Variants in ERICH6B observed in about 807,000 individuals in gnomAD.
ERICH6B encodes the protein glutamate rich 6B.
Under a neutral mutation model 80.0 loss-of-function variants are expected in ERICH6B, and 69 were observed. The ratio of observed to expected loss-of-function variants is 0.86; its 90% CI spans 0.71 to 1.05. The LOEUF is 1.05. Among genes scored for constraint, ERICH6B ranks in the 50% least tolerant of loss-of-function variants. ERICH6B has a pLI of 0.00. For missense variants in ERICH6B, 754 were observed against 796.1 expected, an observed-to-expected ratio of 0.95 and a Z score of 0.64; for synonymous variants, 283 against 291.9, an observed-to-expected ratio of 0.97 and a Z score of 0.31.
intron 8 of ERICH6B, among the ~76,000 whole-genome samples, chr13:45,571,662 A>G (rs1875174178): frequency 6.6e-6 from 1 of 152,236 alleles, no homozygotes; most frequent in Admixed American, 6.5e-5. Flanking sequence ...CTTAGACTGC[A>G]ATGAAGTCTG....
At chr13:45,573,938 AT>A (rs932628809) in intron 8 of ERICH6B, among the ~76,000 whole-genome samples, 3 of 151,926 alleles carry the variant, frequency 2.0e-5, no homozygotes, top group African/African-American at 7.3e-5. Flanking sequence ...AATTTATGTC[AT>A]TTTTTTTCCT....
At chr13:45,574,622 T>C (rs1394510464) in intron 8 of ERICH6B, among the ~76,000 whole-genome samples, 2 of 152,180 alleles carry the variant, frequency 1.3e-5, no homozygotes, top group Non-Finnish European at 2.9e-5. Flanking sequence ...TTGCCCCATC[T>C]ACATAGAGGG....
chr13:45,593,232 G>C (rs577596845), intron 3 of ERICH6B, among the ~76,000 whole-genome samples: 64 of 152,210 alleles, frequency 4.2e-4, no homozygotes, highest in African/African-American at 9.9e-4. Flanking sequence ...ATTTGTCCAG[G>C]GCTATGGGAA....
intron 11 of ERICH6B, among the ~76,000 whole-genome samples, chr13:45,560,908 T>A (rs188248479): frequency 3.3e-5 from 5 of 152,332 alleles, no homozygotes; most frequent in African/African-American, 1.2e-4. Flanking sequence ...GGGATGGATC[T>A]ATATATATCT....
intron 1 of ERICH6B, among the ~76,000 whole-genome samples, chr13:45,609,587 C>T (rs1165529615): frequency 1.3e-5 from 2 of 152,160 alleles, no homozygotes; most frequent in Admixed American, 1.3e-4. Context: ...GTATTCCCAC[C>T]AGCTAGAATA....
chr13:45,550,370 T>C, intron 11 of ERICH6B, 54 bp from the exon 12 acceptor site: 7 of 1,433,444 alleles, frequency 4.9e-6, no homozygotes, highest in Non-Finnish European at 6.7e-6. Flanking sequence ...GGGTACCAAC[T>C]GTCCTACTGC....
In ERICH6B at chr13:45,579,984, A is replaced by G. The variant is rs990603715; in HGVS notation, c.920-10T>C. ...TTAGTGTTAACATGCTCTAAAAAAG[A>G]ATAAGAAAAATTATTAACAGGATAC... is the stretch of plus-strand genomic sequence containing the variant. On this transcript the variant is annotated splice_polypyrimidine_tract_variant and intron_variant, in intron 6 of 14. Coordinates refer to ENST00000298738, the MANE Select transcript of ERICH6B (RefSeq NM_182542.3). 1 of 1,539,784 alleles carries G rather than the reference A, an allele frequency of 6.5e-7. No homozygotes were observed. Among genetic ancestry groups the G allele is most frequent in the Non-Finnish European group, 8.8e-7 (1 of 1,139,992 alleles).
chr13:45,599,210 C>T (rs941544230), intron 2 of ERICH6B, among the ~76,000 whole-genome samples: 6 of 152,132 alleles, frequency 3.9e-5, no homozygotes, highest in African/African-American at 1.4e-4. Flanking sequence ...TCACTGGTAG[C>T]CTGATCACTT....
intron 13 of ERICH6B, among the ~76,000 whole-genome samples, chr13:45,547,396 G>C (rs561394242): frequency 1.3e-5 from 2 of 152,206 alleles, no homozygotes; most frequent in Non-Finnish European, 2.9e-5. Flanking sequence ...GTGGTCTGGA[G>C]GAAAAGAATA....
Position 45,549,977 on chromosome 13 carries a change from A to G in ERICH6B, c.1562T>C (p.Leu521Pro). The change falls in exon 13 of 15, where the codon CTG (leucine) becomes CCG (proline). Residue 521 changes from leucine (L) to proline (P), a missense_variant. Leu to Pro is a moderately conservative substitution (Grantham distance 98). Transcript: ENST00000298738. ...AKMKKFTYII[L>P]EDSLEGRIRA... ...GATCCTCCCTTCTAGACTGTCTTCC[A>G]GAATGATGTATGTGAACTTTTTCAT... 1 of 1,551,856 alleles carries G rather than the reference A, an allele frequency of 6.4e-7. No homozygotes were observed. The highest frequency in any genetic ancestry group is 8.7e-7 in the Non-Finnish European group (1 of 1,147,042).
intron 3 of ERICH6B, among the ~76,000 whole-genome samples, chr13:45,595,673 C>T (rs978595340): frequency 2.0e-5 from 3 of 147,596 alleles, no homozygotes; most frequent in South Asian, 2.1e-4. Flanking sequence ...TTTCCTTCTT[C>T]TCTCTCTTTT....
intron 2 of ERICH6B, among the ~76,000 whole-genome samples, chr13:45,607,073 G>T (rs1422399056): frequency 6.6e-6 from 1 of 152,136 alleles, no homozygotes; most frequent in Non-Finnish European, 1.5e-5. Flanking sequence ...GGGGAAGCAC[G>T]CTGTGGTGAG....
At chr13:45,543,710 G>A (rs1392972697) in intron 14 of ERICH6B, among the ~76,000 whole-genome samples, 16 of 152,166 alleles carry the variant, frequency 1.1e-4, no homozygotes. Flanking sequence ...GTTGTTTCAG[G>A]ACTCCTAGTT....
chr13:45,556,994 G>T (rs530467908), intron 11 of ERICH6B, among the ~76,000 whole-genome samples: 1 of 152,218 alleles, frequency 6.6e-6, no homozygotes, highest in East Asian at 1.9e-4. Context: ...TCTACTTTTA[G>T]TTCTTTAAGG....
chr13:45,572,682 C>T (rs1875224297), intron 8 of ERICH6B, among the ~76,000 whole-genome samples: 1 of 151,938 alleles, frequency 6.6e-6, no homozygotes, highest in African/African-American at 2.4e-5. Flanking sequence ...GGTTGGAAAA[C>T]AAAATACAAA....
At chr13:45,590,911 A>G (rs1876130014) in intron 3 of ERICH6B, among the ~76,000 whole-genome samples, 1 of 152,208 alleles carries the variant, frequency 6.6e-6, no homozygotes, top group African/African-American at 2.4e-5. Context: ...TTTTCAGGCA[A>G]TCATGGATTT....
At chr13:45,598,856 G>C (rs1324751798) in intron 2 of ERICH6B, among the ~76,000 whole-genome samples, 1 of 152,152 alleles carries the variant, frequency 6.6e-6, no homozygotes, top group Non-Finnish European at 1.5e-5. Flanking sequence ...TCATTCTTGG[G>C]ACAGCCGGTA....
In ERICH6B at chr13:45,568,362, G is replaced by A. The variant is rs1341244047; in HGVS notation, c.1140C>T (p.Pro380=). The change falls in exon 9 of 15, where the codon CCC becomes CCT. Residue 380 remains proline, a synonymous_variant. Transcript: ENST00000298738. The part of the protein sequence containing the change: ...HNELEEDFDI[P]LTKLLESENR... Reference sequence around the variant, plus strand: ...TTTCACTTTCCAGTAGCTTAGTTAGGGGAATGTCAAAATCCTCTTCCAGTT... The same window carrying A: ...TTTCACTTTCCAGTAGCTTAGTTAGAGGAATGTCAAAATCCTCTTCCAGTT... 2 of 1,547,968 alleles carry A rather than the reference G, an allele frequency of 1.3e-6. No homozygotes were observed.
intron 1 of ERICH6B, among the ~76,000 whole-genome samples, chr13:45,613,033 C>T (rs954658846): frequency 1.3e-4 from 20 of 151,888 alleles, no homozygotes; most frequent in African/African-American, 3.6e-4. Context: ...AGGATGGTGT[C>T]AGGAGTTTGC....
Sources: gnomAD v4.1 joint callset for allele counts (sites outside exome capture counted in the v4.1 genomes callset) on GRCh38, gnomAD v4.1.1 for gene constraint, MANE v1.5 for transcripts, NCBI Gene and HGNC (gene_info 2026-07-23, HGNC 2026-07-21) for gene names.